Variants in TTC34 observed in about 807,000 individuals in gnomAD.
TTC34 encodes tetratricopeptide repeat domain 34, also known as tetratricopeptide repeat protein 34.
TTC34 carries 44 observed loss-of-function variants against 40.7 expected under a neutral mutation model. That is an observed-to-expected ratio of 1.08 (90% CI 0.85 to 1.39). The LOEUF is 1.39. TTC34 is among the 40% of genes most tolerant of loss of function. The probability of loss-of-function intolerance (pLI) is 0.00; values close to 1 mark genes in which losing one functional copy is unlikely to be tolerated. For missense variants in TTC34, 884 were observed against 838.0 expected, an observed-to-expected ratio of 1.05 and a Z score of -0.68; for synonymous variants, 422 against 398.6, an observed-to-expected ratio of 1.06 and a Z score of -0.70.
chr1:2,656,463 G>GTGCGCACGTGACAGCC (rs1639352035), intron 6 of TTC34, among the ~76,000 whole-genome samples: 1 of 62,604 alleles, frequency 1.6e-5, no homozygotes, highest in Non-Finnish European at 2.9e-5. Flanking sequence ...GCACCCCCAG[G>GTGCGCACGTGACAGCC]TGCGCACGTG....
Position 2,794,399 on chromosome 1 carries a change from G to A in TTC34, c.785-4053C>T, listed in dbSNP as rs116103786. Among the ~76,000 whole-genome samples the A allele has an allele frequency of 2.3e-3, 344 of 152,262 alleles. 1 individual carries two copies. Among genetic ancestry groups the A allele is most frequent in the African/African-American group, 7.9e-3 (329 of 41,544 alleles). On this transcript the variant is annotated intron_variant, in intron 2 of 8. Transcript: ENST00000401095. The stretch of plus-strand genomic sequence containing the variant: ...AACTTAATCATTTTCTGTCCCTGTG[G>A]TAAATGGGACACAGGGCATCTATTT...
chr1:2,786,918 G>T (rs942296123), intron 4 of TTC34, among the ~76,000 whole-genome samples: 7 of 152,196 alleles, frequency 4.6e-5, no homozygotes, highest in Non-Finnish European at 8.8e-5. Flanking sequence ...CGGGCCCCAG[G>T]GGGAGGAAGA....
At chr1:2,767,643 C>G (rs1434507419) in intron 6 of TTC34, among the ~76,000 whole-genome samples, 1 of 100,660 alleles carries the variant, frequency 9.9e-6, no homozygotes, top group Non-Finnish European at 1.9e-5. Flanking sequence ...GACATCCTCA[C>G]ATCCAGGTGA....
chr1:2,773,135 C>G (rs1299562698), intron 6 of TTC34, among the ~76,000 whole-genome samples: 6 of 141,248 alleles, frequency 4.2e-5, no homozygotes, highest in South Asian at 2.3e-4. Flanking sequence ...GCAGCACACA[C>G]AACCCCAGGC....
intron 6 of TTC34, among the ~76,000 whole-genome samples, chr1:2,652,523 A>ACACCCAGGTGAGCATCCGACAG (rs1639181805): frequency 3.4e-4 from 2 of 5,816 alleles, no homozygotes; most frequent in Non-Finnish European, 3.8e-4. Flanking sequence ...CAGCACCCAC[A>ACACCCAGGTGAGCATCCGACAG]CCTCCAGGCG....
chr1:2,651,842 C>A (rs1284359573), intron 6 of TTC34, among the ~76,000 whole-genome samples: 2 of 152,066 alleles, frequency 1.3e-5, no homozygotes, highest in Non-Finnish European at 2.9e-5. Context: ...ACGGTACCAC[C>A]AATTAGGTGA....
At chr1:2,779,770 G>T (rs1052398121) in intron 6 of TTC34, among the ~76,000 whole-genome samples, 4 of 152,144 alleles carry the variant, frequency 2.6e-5, no homozygotes, top group Non-Finnish European at 5.9e-5. Context: ...AAACTTCATA[G>T]TAGCCATCCT....
At position 2,695,102 on chromosome 1, in the gene TTC34, C is replaced by T. The variant is rs537875032; in HGVS notation, c.2227-49539G>A. Among the ~76,000 whole-genome samples, 598 of 95,230 alleles carry T rather than the reference C, an allele frequency of 6.3e-3. 1 individual carries two copies. Among genetic ancestry groups the T allele is most frequent in the African/African-American group, 0.012 (261 of 20,954 alleles). 62.5% of individuals were successfully genotyped at this position (95,230 alleles called of 152,430 possible). A position where few individuals can be genotyped will look rare whatever the true frequency, so the allele number is the denominator to read the frequency against. On this transcript the variant is annotated intron_variant, in intron 6 of 8. Coordinates refer to ENST00000401095, the Ensembl canonical transcript of TTC34. ...CAGGCGAGCATCTGACAACCTGGAA[C>T]AGCACCCATACGCCAAGATGAGCAT... is the stretch of plus-strand genomic sequence containing the variant.
At chr1:2,650,621 G>A (rs142838901) in intron 6 of TTC34, among the ~76,000 whole-genome samples, 20 of 137,076 alleles carry the variant, frequency 1.5e-4, no homozygotes, top group African/African-American at 5.0e-4. Context: ...TCAGCACTTC[G>A]ACCTTCAGGT....
intron 6 of TTC34, among the ~76,000 whole-genome samples, chr1:2,685,203 A>T (rs1231856733): frequency 7.2e-6 from 1 of 139,202 alleles, no homozygotes; most frequent in African/African-American, 2.8e-5. Context: ...CCACACCCCC[A>T]GGTGAGCATC....
chr1:2,685,199 C>A (rs187889625), intron 6 of TTC34, among the ~76,000 whole-genome samples: 783 of 42,282 alleles, frequency 0.019, no homozygotes, highest in East Asian at 0.048. Flanking sequence ...GCACCCACAC[C>A]CCCAGGTGAG....
In TTC34 at chr1:2,754,774, C is replaced by T. The variant is rs1641448049; in HGVS notation, c.2226+28835G>A. Among the ~76,000 whole-genome samples the T allele has an allele frequency of 1.6e-4, 24 of 151,334 alleles. No homozygotes were observed. The East Asian group carries it at 3.6e-3, about 23-fold the overall frequency. On this transcript the variant is annotated intron_variant, in intron 6 of 8. Coordinates refer to ENST00000401095, the Ensembl canonical transcript of TTC34. ...GCATGTGATGGTCTGGAGCAGCACC[C>T]ACACCCACAGGTGAGCATCTGACAG...
At chr1:2,798,597 G>C (rs1368614079) in intron 2 of TTC34, among the ~76,000 whole-genome samples, 1 of 57,224 alleles carries the variant, frequency 1.7e-5, no homozygotes, top group African/African-American at 7.3e-5. Context: ...CAGCCCCCCA[G>C]CCTCCCAGCC....
intron 6 of TTC34, among the ~76,000 whole-genome samples, chr1:2,750,634 C>G (rs1235230189): frequency 1.8e-5 from 2 of 109,078 alleles, no homozygotes; most frequent in African/African-American, 7.9e-5. Flanking sequence ...CAGCCTGGAG[C>G]AGCACCCACA....
At chr1:2,783,650 A>G in exon 6 of TTC34, 1 of 1,490,072 alleles carries the variant, frequency 6.7e-7, no homozygotes, top group Middle Eastern at 1.7e-4. Flanking sequence ...GCCCGTCCAC[A>G]CAGTGCCTGC....
At chr1:2,690,963 C>A (rs539684876) in intron 6 of TTC34, among the ~76,000 whole-genome samples, 1,085 of 75,372 alleles carry the variant, frequency 0.014, 260 homozygotes, top group African/African-American at 0.04. Flanking sequence ...ATCTGACAGA[C>A]TGGAACAGCA....
intron 6 of TTC34, among the ~76,000 whole-genome samples, chr1:2,773,118 G>C (rs1311601189): frequency 1.4e-4 from 20 of 143,754 alleles, no homozygotes; most frequent in African/African-American, 4.6e-4. Flanking sequence ...GCATCTGACA[G>C]CCTGGAGCAG....
intron 6 of TTC34, among the ~76,000 whole-genome samples, chr1:2,692,158 T>C (rs1332978306): frequency 1.7e-5 from 1 of 59,584 alleles, no homozygotes; most frequent in Non-Finnish European, 3.6e-5. Context: ...CAGGCGAGCA[T>C]CTGACGGCCT....
At chr1:2,785,156 G>A (rs1235084242) in intron 5 of TTC34, among the ~76,000 whole-genome samples, 1 of 152,220 alleles carries the variant, frequency 6.6e-6, no homozygotes, top group Non-Finnish European at 1.5e-5. Context: ...GGTGAGGGGT[G>A]CTCACTAAGT....
Sources: allele counts gnomAD v4.1 joint callset (sites outside exome capture counted in the v4.1 genomes callset), GRCh38; gene constraint gnomAD v4.1.1; transcripts MANE v1.5; gene names NCBI Gene and HGNC (gene_info 2026-07-23, HGNC 2026-07-21).